DDX46: variants seen among roughly 807,000 people sequenced by gnomAD.
DDX46 encodes the protein probable ATP-dependent RNA helicase DDX46.
A neutral mutation model predicts 134.9 loss-of-function variants in DDX46; 30 were observed. That is an observed-to-expected ratio of 0.22 (90% confidence interval 0.17 to 0.30). The LOEUF is 0.30. Among genes scored for constraint, DDX46 ranks in the 10% least tolerant of loss-of-function variants. The pLI is 1.00. For missense variants in DDX46, 622 were observed against 1,248.7 expected (o/e 0.50, Z 7.56); for synonymous variants, 415 against 404.1 (o/e 1.03, Z -0.32).
At chr5:134,759,938 C>G (rs1371839160) in intron 1 of DDX46, among the ~76,000 whole-genome samples, 2 of 152,218 alleles carry the variant, frequency 1.3e-5, no homozygotes, top group Non-Finnish European at 2.9e-5. Context: ...ATTCTTCTCT[C>G]TCACTACCCA....
At chr5:134,821,515 G>C (rs1180356836) in intron 21 of DDX46, among the ~76,000 whole-genome samples, 9 of 149,302 alleles carry the variant, frequency 6.0e-5, no homozygotes. Context: ...ATTTTGATTT[G>C]CTCTTGTTTC....
chr5:134,790,677 A>C (rs1012984629), intron 13 of DDX46, 125 bp downstream of exon 13: 1 of 767,712 alleles, frequency 1.3e-6, no homozygotes, highest in African/African-American at 1.8e-5. Flanking sequence ...GTAATACAGA[A>C]GACTGGGGAC....
At chr5:134,777,761 C>G in intron 6 of DDX46, 36 bp downstream of exon 6, 4 of 1,575,232 alleles carry the variant, frequency 2.5e-6, no homozygotes, top group Non-Finnish European at 3.4e-6. Flanking sequence ...TTTCCGTTTC[C>G]TCTTGGGTAA....
At position 134,807,818 on chromosome 5, in the gene DDX46, T is replaced by C. The variant is rs751454138; in HGVS notation, c.2025T>C (p.Ala675=). 7 of 1,614,124 alleles carry C rather than the reference T, an allele frequency of 4.3e-6. No homozygotes were observed. The African/African-American group carries it at 8.0e-5, about 18-fold the overall frequency. The change falls in exon 16 of 23, where the codon GCT becomes GCC. Residue 675 remains alanine (A), a synonymous_variant. Transcript: ENST00000452510. The part of the protein sequence containing the change: ...FKNGTCKLLV[A]TSVAARGLDV... Reference sequence around the variant, plus strand: ...ATGGGACCTGCAAACTTCTTGTGGCTACCTCTGTTGCTGCCCGAGGTCTAG... The same window carrying C: ...ATGGGACCTGCAAACTTCTTGTGGCCACCTCTGTTGCTGCCCGAGGTCTAG...
At position 134,790,627 on chromosome 5, in the gene DDX46, G is replaced by T. The variant is rs73790710; in HGVS notation, c.1626+75G>T. 2.6e-3 allele frequency: 3,499 copies of T among 1,330,554 alleles called. 69 individuals carry two copies. The African/African-American group carries it at 0.044, about 17-fold the overall frequency. The allele number at this position is 1,330,554 out of a possible 1,614,324, so 82.4% of individuals were successfully genotyped here. ...GTTGCCATGAGAATGAAATGTTCAT[G>T]TGGTTTCTGAAATTCACACACACAC... On this transcript the variant is annotated intron_variant, in intron 13 of 22. Coordinates refer to ENST00000452510, the MANE Select transcript of DDX46 (RefSeq NM_001300860.2).
Position 134,811,812 on chromosome 5 carries a change from A to G in DDX46, c.2403A>G (p.Leu801=), listed in dbSNP as rs1025835925. The G allele has an allele frequency of 1.2e-6, 2 of 1,613,470 alleles. No homozygotes were observed. Among genetic ancestry groups the G allele is most frequent in the African/African-American group, 2.7e-5 (2 of 74,884 alleles). Residue 801 remains leucine (L), a synonymous_variant, in exon 18 of 23, where the codon CTA becomes CTG. Coordinates refer to ENST00000452510, the MANE Select transcript of DDX46 (RefSeq NM_001300860.2). The part of the protein sequence containing the change: ...RKKLQKAALG[L]QDSDDEDAAV... ...AGTTACAAAAAGCAGCTCTTGGTCTACAAGATTCAGATGATGAGGATGCTG... is the reference window on the plus strand; with the variant it reads ...AGTTACAAAAAGCAGCTCTTGGTCTGCAAGATTCAGATGATGAGGATGCTG...
At chr5:134,780,978 A>G (rs1023416662) in intron 6 of DDX46, 155 bp from the exon 7 acceptor site, 33 of 498,656 alleles carry the variant, frequency 6.6e-5, no homozygotes, top group Non-Finnish European at 9.9e-5. Flanking sequence ...ACAGTGAGCT[A>G]TGATCACACC....
intron 16 of DDX46, among the ~76,000 whole-genome samples, chr5:134,808,504 G>A (rs761641469): frequency 7.9e-5 from 12 of 152,002 alleles, no homozygotes; most frequent in Non-Finnish European, 1.5e-4. Flanking sequence ...TATCACTTTT[G>A]CACCATGGTA....
chr5:134,813,082 CA>C (rs1755192579), intron 18 of DDX46, among the ~76,000 whole-genome samples: 1 of 152,090 alleles, frequency 6.6e-6, no homozygotes, highest in African/African-American at 2.4e-5. Flanking sequence ...ACTGGAACGA[CA>C]GGCACGCGCC....
chr5:134,830,819 T>A lies in DDX46; in HGVS notation c.*2113T>A, dbSNP rs1267492000. The stretch of plus-strand genomic sequence containing the variant: ...TCATCTTTATCACCTAATGGTAGTT[T>A]GTTTTCTTTGGTAGAGTATATGGCA... On this transcript the variant is annotated 3_prime_UTR_variant, in exon 23 of 23. Transcript: ENST00000452510. The A allele has an allele frequency of 6.6e-6, 1 of 152,646 alleles. No homozygotes were observed. Among genetic ancestry groups the A allele is most frequent in the East Asian group, 1.9e-4 (1 of 5,196 alleles). The allele number at this position is 152,646 out of a possible 1,614,324, so 9.5% of individuals were successfully genotyped here.
intron 3 of DDX46, among the ~76,000 whole-genome samples, chr5:134,769,335 T>TTTC (rs1753684038): frequency 6.9e-6 from 1 of 145,370 alleles, no homozygotes; most frequent in African/African-American, 2.6e-5. Context: ...AGGTTTTTTT[T>TTTC]TTTTTTTTTT....
chr5:134,770,362 C>T (rs1443264896), intron 3 of DDX46, among the ~76,000 whole-genome samples: 1 of 152,008 alleles, frequency 6.6e-6, no homozygotes, highest in Non-Finnish European at 1.5e-5. Context: ...AGGTGCACAC[C>T]ACCATACCCA....
intron 21 of DDX46, chr5:134,826,110 CAG>C (rs1755584835): frequency 6.6e-6 from 1 of 152,194 alleles, no homozygotes; most frequent in Non-Finnish European, 1.5e-5. Flanking sequence ...CTGTGCCTTT[CAG>C]AGTCAGGAAA....
intron 15 of DDX46, among the ~76,000 whole-genome samples, chr5:134,797,502 T>A (rs1754701929): frequency 6.6e-6 from 1 of 152,184 alleles, no homozygotes; most frequent in African/African-American, 2.4e-5. Flanking sequence ...TGTGGGCCTC[T>A]CTATGAGGCT....
intron 5 of DDX46, among the ~76,000 whole-genome samples, chr5:134,774,411 T>TG (rs1412503502): frequency 6.6e-6 from 1 of 152,240 alleles, no homozygotes; most frequent in Non-Finnish European, 1.5e-5. Context: ...GTAATGCTCC[T>TG]GTGACCATTG....
At chr5:134,759,370 A>G (rs1279804225) in intron 1 of DDX46, among the ~76,000 whole-genome samples, 1 of 152,150 alleles carries the variant, frequency 6.6e-6, no homozygotes, top group African/African-American at 2.4e-5. Context: ...TTCCCAAGTT[A>G]CTTGAAAGGA....
rs886477998 is a variant in DDX46 at position 134,807,776 on chromosome 5, C to A, written c.1983C>A (p.Ile661=). Residue 661 remains isoleucine, a synonymous_variant, in exon 16 of 23, where the codon ATC becomes ATA. Coordinates refer to ENST00000452510, the MANE Select transcript of DDX46 (RefSeq NM_001300860.2). ...TTGATCAATATGACAGAGATAGCAT[C>A]ATAAATGACTTTAAGAATGGGACCT... ...GGIDQYDRDS[I]INDFKNGTCK... is the part of the protein sequence containing the mutation. The A allele has an allele frequency of 6.2e-7, 1 of 1,613,950 alleles. No individual in the cohort carries two copies. The highest frequency in any genetic ancestry group is 1.3e-5 in the African/African-American group (1 of 74,910).
intron 5 of DDX46, among the ~76,000 whole-genome samples, chr5:134,775,065 C>T (rs1753892729): frequency 6.6e-6 from 1 of 152,074 alleles, no homozygotes; most frequent in Non-Finnish European, 1.5e-5. Context: ...GGTGATCCTC[C>T]CACTTTGGCC....
In DDX46 at chr5:134,816,699, G is replaced by A. The variant is rs1030092791; in HGVS notation, c.2613+93G>A. The A allele has an allele frequency of 4.1e-6, 5 of 1,229,774 alleles. No individual in the cohort carries two copies. In the Admixed American group the frequency reaches 1.0e-4, roughly 26 times the overall value. 76.2% of individuals were successfully genotyped at this position (1,229,774 alleles called of 1,614,324 possible). The stretch of plus-strand genomic sequence containing the variant: ...TATGTTGAACACAAGTAAACAAGTT[G>A]TCCTAGACATTGAGTTTGTGAGAAT... On this transcript the variant is annotated intron_variant, in intron 19 of 22. Coordinates refer to ENST00000452510, the MANE Select transcript of DDX46 (RefSeq NM_001300860.2).
Sources: allele counts gnomAD v4.1 joint callset (sites outside exome capture counted in the v4.1 genomes callset), GRCh38; gene constraint gnomAD v4.1.1; transcripts MANE v1.5; gene names NCBI Gene and HGNC (gene_info 2026-07-23, HGNC 2026-07-21).